DNAJB1: variants seen among roughly 807,000 people sequenced by gnomAD.
DNAJB1 encodes DnaJ heat shock protein family (Hsp40) member B1.
In DNAJB1, 14 loss-of-function variants were observed where a neutral mutation model predicts 24.0. The ratio of observed to expected loss-of-function variants is 0.58; its 90% CI spans 0.39 to 0.91. DNAJB1 has a LOEUF of 0.91. Ranked by LOEUF, DNAJB1 falls within the 40% of genes least tolerant of loss-of-function variation. The pLI is 0.00. For synonymous variants in DNAJB1, 262 were observed against 174.4 expected (o/e 1.50, Z -3.96); for missense variants, 517 against 458.1 (o/e 1.13, Z -1.17).
At chr19:14,559,525 C>T (rs561667421) in intron 1 of DNAJB1, among the ~76,000 whole-genome samples, 9 of 151,252 alleles carry the variant, frequency 6.0e-5, no homozygotes, top group South Asian at 2.1e-4. Context: ...AGGTGGCTCA[C>T]GCCTATAATC....
At chr19:14,525,595 C>T (rs1599387188) in intron 2 of DNAJB1, among the ~76,000 whole-genome samples, 1 of 152,272 alleles carries the variant, frequency 6.6e-6, no homozygotes, top group East Asian at 1.9e-4. Flanking sequence ...TTTCACTCAA[C>T]CTTCTGGAAA....
At chr19:14,551,912 C>CGCCT (rs2073523788), upstream of DNAJB1, among the ~76,000 whole-genome samples, 1 of 124,578 alleles carries the variant, frequency 8.0e-6, no homozygotes, top group African/African-American at 3.1e-5. Context: ...TCTCTCTCTC[C>CGCCT]CCCTCCCTCC....
In DNAJB1 at chr19:14,517,460, G is replaced by A. The variant is rs143941546; in HGVS notation, c.212-414C>T. On this transcript the variant is annotated intron_variant, in intron 1 of 2. Coordinates refer to ENST00000254322, the MANE Select transcript of DNAJB1 (RefSeq NM_006145.3). ...GAAAAAAAAAAACAAAAATAAATAG[G>A]GAGTTTTTAAATCCTCACACATTAG... 233 of 167,270 alleles carry A rather than the reference G, an allele frequency of 1.4e-3. 1 individual carries two copies. The highest frequency in any genetic ancestry group is 5.3e-3 in the African/African-American group (222 of 41,994). 10.4% of individuals were successfully genotyped at this position (167,270 alleles called of 1,614,324 possible).
chr19:14,530,313 C>G (rs889530812), upstream of DNAJB1: 13 of 156,402 alleles, frequency 8.3e-5, no homozygotes, highest in African/African-American at 3.1e-4. Context: ...TACCCACCCA[C>G]AGCCACTCTT....
At chr19:14,551,295 G>A (rs931645650), upstream of DNAJB1, among the ~76,000 whole-genome samples, 9 of 151,664 alleles carry the variant, frequency 5.9e-5, no homozygotes, top group East Asian at 1.2e-3. Context: ...GGCTACTCTC[G>A]AACTCCTGAC....
rs768632960 is a variant in DNAJB1 at position 14,516,988 on chromosome 19, G to T, written c.270C>A (p.Phe90Leu). The T allele has an allele frequency of 3.1e-6, 5 of 1,611,994 alleles. No homozygotes were observed. The highest frequency in any genetic ancestry group is 4.2e-6 in the Non-Finnish European group (5 of 1,179,844). The change falls in exon 2 of 3, where the codon TTC becomes TTA. Residue 90 changes from phenylalanine (F) to leucine (L), a missense_variant. Physicochemically the swap from Phe to Leu is conservative, Grantham distance 22 (BLOSUM62 0). Coordinates refer to ENST00000254322, the MANE Select transcript of DNAJB1 (RefSeq NM_006145.3). The stretch of plus-strand genomic sequence containing the variant: ...GAGGGTCTCCATGGAATGTGTAGCT[G>T]AAAGAGGTACCATTGGCACCACCGC... ...GSGGGANGTSFSYTFHGDPHA... is the reference protein window; with the variant it reads ...GSGGGANGTSLSYTFHGDPHA...
chr19:14,545,837 GC>G (rs1300748889), intron 1 of DNAJB1: 1 of 152,822 alleles, frequency 6.5e-6, no homozygotes, highest in Non-Finnish European at 1.5e-5. Context: ...GGGTTCCCTG[GC>G]TTCTTCCTGC....
chr19:14,528,528 G>A (rs894937134), intron 1 of DNAJB1, among the ~76,000 whole-genome samples: 1 of 151,924 alleles, frequency 6.6e-6, no homozygotes, highest in East Asian at 1.9e-4. Context: ...GTGAGCCATC[G>A]TTCCCGGCCT....
intron 1 of DNAJB1, among the ~76,000 whole-genome samples, chr19:14,547,310 T>C (rs1264027046): frequency 6.6e-6 from 1 of 152,172 alleles, no homozygotes; most frequent in East Asian, 1.9e-4. Flanking sequence ...TGGGTAAAAA[T>C]ATTAGTTACA....
chr19:14,533,083 G>T (rs1396640154), upstream of DNAJB1, among the ~76,000 whole-genome samples: 1 of 151,726 alleles, frequency 6.6e-6, no homozygotes, highest in South Asian at 2.1e-4. Context: ...CTGTACTCCA[G>T]CCTGGGTGAC....
chr19:14,527,027 G>A (rs895609667), intron 2 of DNAJB1, among the ~76,000 whole-genome samples: 1 of 151,832 alleles, frequency 6.6e-6, no homozygotes. Flanking sequence ...AACATAATGA[G>A]ATCCCATCTC....
upstream of DNAJB1, among the ~76,000 whole-genome samples, chr19:14,518,752 G>A (rs1308887435): frequency 6.6e-6 from 1 of 152,226 alleles, no homozygotes; most frequent in Non-Finnish European, 1.5e-5. Context: ...GGGACCCACA[G>A]CGAACTTGCT....
chr19:14,519,110 G>C (rs553648928), upstream of DNAJB1, among the ~76,000 whole-genome samples: 9 of 152,348 alleles, frequency 5.9e-5, no homozygotes, highest in Admixed American at 3.3e-4. Context: ...GCTCACGCCT[G>C]TAATCCCAGC....
intron 1 of DNAJB1, among the ~76,000 whole-genome samples, chr19:14,528,344 ATTC>A (rs1177486105): frequency 1.3e-5 from 2 of 151,458 alleles, no homozygotes; most frequent in Admixed American, 1.3e-4. Context: ...GGTTCAAGCA[ATTC>A]TTCTGCCTCA....
intron 2 of DNAJB1, among the ~76,000 whole-genome samples, chr19:14,525,249 A>G (rs1185951535): frequency 6.6e-6 from 1 of 152,168 alleles, no homozygotes; most frequent in East Asian, 1.9e-4. Context: ...AAAAATAAAA[A>G]AGATACTATT....
chr19:14,516,304 C>G, intron 2 of DNAJB1, 134 bp from the exon 3 acceptor site: 1 of 1,275,046 alleles, frequency 7.8e-7, no homozygotes, highest in Non-Finnish European at 1.1e-6. Context: ...TACACGTCCC[C>G]ACCACGAAAG....
At chr19:14,552,598 A>G (rs997089794), upstream of DNAJB1, among the ~76,000 whole-genome samples, 2 of 151,378 alleles carry the variant, frequency 1.3e-5, no homozygotes, top group African/African-American at 4.9e-5. Context: ...CAGTGGCGCA[A>G]TCTCTGGCTC....
At chr19:14,540,612 G>A (rs2073065864) in intron 1 of DNAJB1, among the ~76,000 whole-genome samples, 2 of 151,086 alleles carry the variant, frequency 1.3e-5, no homozygotes, top group South Asian at 4.2e-4. Flanking sequence ...GGCTGGTCTT[G>A]AACTCCTGAC....
intron 1 of DNAJB1, among the ~76,000 whole-genome samples, chr19:14,542,187 A>G (rs1336738666): frequency 2.0e-5 from 3 of 151,566 alleles, no homozygotes; most frequent in African/African-American, 7.3e-5. Flanking sequence ...CTGGTCTCCA[A>G]CTCTTGGGCT....
Sources: allele counts gnomAD v4.1 joint callset (sites outside exome capture counted in the v4.1 genomes callset), GRCh38; gene constraint gnomAD v4.1.1; transcripts MANE v1.5; gene names NCBI Gene and HGNC (gene_info 2026-07-23, HGNC 2026-07-21).